The following CD2 variants were observed in gnomAD, a reference collection of about 807,000 sequenced individuals.
The protein encoded by CD2 is CD2 molecule.
A neutral mutation model predicts 23.2 loss-of-function variants in CD2; 18 were observed. That is an observed-to-expected ratio of 0.77 (90% confidence interval 0.54 to 1.15). The LOEUF (loss-of-function observed/expected upper bound fraction) is 1.15. Ranked by LOEUF, CD2 falls within the 50% of genes most tolerant of loss-of-function variation. The pLI is 0.00. For synonymous variants in CD2, 162 were observed against 151.9 expected (o/e 1.07, Z -0.49); for missense variants, 424 against 423.1 (o/e 1.00, Z -0.02).
In CD2 at chr1:116,754,442, G is replaced by T. The variant is rs749451128; in HGVS notation, c.-51G>T. On this transcript the variant is annotated 5_prime_UTR_variant, in exon 1 of 5. Coordinates refer to ENST00000369478, the MANE Select transcript of CD2 (RefSeq NM_001767.5). ...TGTGGACTCCACCAGTCTCACTTCA[G>T]TTCCTTTTGCATGAAGAGCTCAGAA... 1 of 1,532,460 alleles carries T rather than the reference G, an allele frequency of 6.5e-7. No individual in the cohort carries two copies. Among genetic ancestry groups the T allele is most frequent in the African/African-American group, 1.4e-5 (1 of 72,638 alleles). 94.9% of individuals were successfully genotyped at this position (1,532,460 alleles called of 1,614,324 possible).
At chr1:116,761,249 C>A (rs1652042515) in intron 3 of CD2, among the ~76,000 whole-genome samples, 1 of 152,194 alleles carries the variant, frequency 6.6e-6, no homozygotes, top group Non-Finnish European at 1.5e-5. Context: ...ATGTGACCTC[C>A]AGAAGTATTT....
intron 2 of CD2, among the ~76,000 whole-genome samples, chr1:116,759,646 T>G (rs1394503926): frequency 6.6e-6 from 1 of 152,198 alleles, no homozygotes; most frequent in African/African-American, 2.4e-5. Context: ...CTTTGCCACA[T>G]GTTGCTCCTT....
intron 3 of CD2, among the ~76,000 whole-genome samples, chr1:116,764,242 A>G (rs916564017): frequency 6.6e-6 from 1 of 152,114 alleles, no homozygotes; most frequent in African/African-American, 2.4e-5. Context: ...TGCATGAACA[A>G]TCAGGCATTT....
intron 3 of CD2, among the ~76,000 whole-genome samples, chr1:116,763,797 C>T (rs1261566165): frequency 6.6e-6 from 1 of 152,164 alleles, no homozygotes; most frequent in Non-Finnish European, 1.5e-5. Context: ...CATTGCATTA[C>T]AGTGACTGAA....
At chr1:116,768,133 CAG>C (rs1652271082) in intron 4 of CD2, among the ~76,000 whole-genome samples, 1 of 152,184 alleles carries the variant, frequency 6.6e-6, no homozygotes, top group African/African-American at 2.4e-5. Context: ...TTCTTGCTCT[CAG>C]GGAACAATTT....
chr1:116,763,796 A>G (rs1477700931), intron 3 of CD2, among the ~76,000 whole-genome samples: 1 of 152,146 alleles, frequency 6.6e-6, no homozygotes, highest in Non-Finnish European at 1.5e-5. Context: ...TCATTGCATT[A>G]CAGTGACTGA....
At chr1:116,762,839 C>T (rs1398705820) in intron 3 of CD2, among the ~76,000 whole-genome samples, 1 of 152,206 alleles carries the variant, frequency 6.6e-6, no homozygotes, top group Admixed American at 6.5e-5. Flanking sequence ...CAGGGCACCA[C>T]CCTGGACAAA....
rs760445022 is a variant in CD2 at position 116,754,481 on chromosome 1, C to A, written c.-12C>A. The A allele has an allele frequency of 3.1e-6, 5 of 1,612,464 alleles. No individual in the cohort carries two copies. Among genetic ancestry groups the A allele is most frequent in the Non-Finnish European group, 4.2e-6 (5 of 1,179,350 alleles). On this transcript the variant is annotated 5_prime_UTR_variant, in exon 1 of 5. Coordinates refer to ENST00000369478, the MANE Select transcript of CD2 (RefSeq NM_001767.5). Reference sequence around the variant, plus strand: ...AAGAGCTCAGAATCAAAAGAGGAAACCAACCCCTAAGATGAGCTTTCCATG... The same window carrying A: ...AAGAGCTCAGAATCAAAAGAGGAAAACAACCCCTAAGATGAGCTTTCCATG...
intron 4 of CD2, among the ~76,000 whole-genome samples, chr1:116,764,994 G>T (rs1452276628): frequency 6.6e-6 from 1 of 152,160 alleles, no homozygotes; most frequent in African/African-American, 2.4e-5. Context: ...GGTGAGTTCA[G>T]GACCAAGCTC....
chr1:116,768,613 C>T lies in CD2; in HGVS notation c.886C>T (p.Arg296Cys), dbSNP rs377222693. Residue 296 changes from arginine (R) to cysteine (C), a missense_variant, in exon 5 of 5, where the codon CGT becomes TGT. By Grantham distance (180) the Arg-to-Cys change is radical. Transcript: ENST00000369478. ...PGHRSQAPSH[R>C]PPPPGHRVQH... is the part of the protein sequence containing the mutation. ...TCATCGTTCCCAGGCACCTAGTCAT[C>T]GTCCCCCGCCTCCTGGACACCGTGT... The T allele has an allele frequency of 9.6e-5, 155 of 1,614,092 alleles. No homozygotes were observed. In the Middle Eastern group the frequency reaches 2.3e-3, roughly 24 times the overall value.
intron 2 of CD2, among the ~76,000 whole-genome samples, chr1:116,757,417 C>A (rs1651888754): frequency 6.6e-6 from 1 of 152,050 alleles, no homozygotes; most frequent in South Asian, 2.1e-4. Context: ...AGGGGTTAAT[C>A]CCAGCAACTC....
chr1:116,759,501 C>A (rs1651967079), intron 2 of CD2, among the ~76,000 whole-genome samples: 1 of 151,762 alleles, frequency 6.6e-6, no homozygotes, highest in African/African-American at 2.4e-5. Flanking sequence ...AAGATGTAGA[C>A]CTGAGCCATC....
Position 116,768,761 on chromosome 1 carries a change from C to T in CD2, c.1034C>T (p.Ser345Leu). 2 of 1,612,410 alleles carry T rather than the reference C, an allele frequency of 1.2e-6. No homozygotes were observed. Among genetic ancestry groups the T allele is most frequent in the Non-Finnish European group, 1.7e-6 (2 of 1,179,468 alleles). The change falls in exon 5 of 5, where the codon TCA (serine) becomes TTA (leucine). Residue 345 changes from serine to leucine, a missense_variant. Coordinates refer to ENST00000369478, the MANE Select transcript of CD2 (RefSeq NM_001767.5). Reference sequence around the variant, plus strand: ...CCTCCCCATGGGGCAGCAGAAAACTCATTGTCCCCTTCCTCTAATTAAAAA... The same window carrying T: ...CCTCCCCATGGGGCAGCAGAAAACTTATTGTCCCCTTCCTCTAATTAAAAA... ...PKPPHGAAEN[S>L]LSPSSN
intron 3 of CD2, among the ~76,000 whole-genome samples, chr1:116,761,840 ACT>A (rs1652065184): frequency 1.3e-5 from 2 of 152,160 alleles, no homozygotes; most frequent in Middle Eastern, 6.8e-3. Flanking sequence ...TGACTTCGCA[ACT>A]TTTTTTGAGA....
intron 2 of CD2, among the ~76,000 whole-genome samples, chr1:116,756,308 G>A (rs573843627): frequency 8.5e-5 from 13 of 152,274 alleles, no homozygotes; most frequent in African/African-American, 2.6e-4. Context: ...AGCCCTACGC[G>A]GGGGACCATG....
intron 4 of CD2, among the ~76,000 whole-genome samples, chr1:116,767,411 G>A (rs1652247859): frequency 6.6e-6 from 1 of 152,028 alleles, no homozygotes. Flanking sequence ...GACCAACATG[G>A]AGAAACGCCA....
Position 116,764,589 on chromosome 1 carries a change from A to T in CD2, c.719A>T (p.Gln240Leu). The T allele has an allele frequency of 6.2e-7, 1 of 1,614,074 alleles. No individual in the cohort carries two copies. The highest frequency in any genetic ancestry group is 8.5e-7 in the Non-Finnish European group (1 of 1,179,974). Residue 240 changes from glutamine to leucine, a missense_variant, in exon 4 of 5, where the codon CAG becomes CTG. By Grantham distance (113) the Gln-to-Leu change is moderately radical. Transcript: ENST00000369478. ...TTCTATATCACCAAAAGGAAAAAAC[A>T]GAGGAGTCGGAGAAATGGTAAGCTC... Reference protein sequence around the residue: ...LVFYITKRKKQRSRRNDEELE... With the variant: ...LVFYITKRKKLRSRRNDEELE...
intron 4 of CD2, among the ~76,000 whole-genome samples, chr1:116,768,087 G>T (rs1356515592): frequency 1.3e-5 from 2 of 152,144 alleles, no homozygotes; most frequent in Non-Finnish European, 2.9e-5. Flanking sequence ...CTCCATGACT[G>T]CTCATAACCC....
At position 116,754,487 on chromosome 1, in the gene CD2, C is replaced by T; in HGVS notation, c.-6C>T. The T allele has an allele frequency of 1.2e-6, 2 of 1,613,592 alleles. No individual in the cohort carries two copies. Among genetic ancestry groups the T allele is most frequent in the Non-Finnish European group, 1.7e-6 (2 of 1,179,808 alleles). ...TCAGAATCAAAAGAGGAAACCAACC[C>T]CTAAGATGAGCTTTCCATGTAAATT... On this transcript the variant is annotated 5_prime_UTR_variant, in exon 1 of 5. Transcript: ENST00000369478.
Sources: gnomAD v4.1 joint callset for allele counts (sites outside exome capture counted in the v4.1 genomes callset) on GRCh38, gnomAD v4.1.1 for gene constraint, MANE v1.5 for transcripts, NCBI Gene and HGNC (gene_info 2026-07-23, HGNC 2026-07-21) for gene names.